Variants in LRP2 observed in about 807,000 individuals in gnomAD.
LRP2 encodes LDL receptor related protein 2.
LRP2 carries 172 observed loss-of-function variants against 531.0 expected under a neutral mutation model. The ratio of observed to expected loss-of-function variants is 0.32; its 90% CI spans 0.29 to 0.37. The LOEUF (loss-of-function observed/expected upper bound fraction) is 0.37, where lower values mean the gene tolerates loss of function less well. LRP2 is among the 10% of genes least tolerant of loss of function. The probability of loss-of-function intolerance (pLI) is 1.00; values close to 1 mark genes in which losing one functional copy is unlikely to be tolerated. For synonymous variants in LRP2, 1,992 were observed against 2,027.6 expected, an observed-to-expected ratio of 0.98 and a Z score of 0.47; for missense variants, 5,167 against 5,868.3, an observed-to-expected ratio of 0.88 and a Z score of 3.90.
chr2:169,216,180 G>T, intron 35 of LRP2, 73 bp downstream of exon 35: 1 of 1,503,280 alleles, frequency 6.7e-7, no homozygotes, highest in Non-Finnish European at 9.2e-7. Context: ...ACCACTGCCT[G>T]ACAGCTCAGA....
chr2:169,212,254 GC>G (rs1553497622), intron 36 of LRP2, 47 bp from the exon 37 acceptor site: 2 of 1,613,068 alleles, frequency 1.2e-6, no homozygotes, highest in African/African-American at 2.7e-5. Context: ...CTAGCTACTC[GC>G]CACCCCATCT....
intron 31 of LRP2, among the ~76,000 whole-genome samples, chr2:169,228,593 T>C (rs1022976684): frequency 2.0e-5 from 3 of 152,200 alleles, no homozygotes; most frequent in Non-Finnish European, 4.4e-5. Flanking sequence ...CCATTATGCA[T>C]GGGCCTTCTT....
intron 1 of LRP2, among the ~76,000 whole-genome samples, chr2:169,362,093 C>A (rs1394346351): frequency 1.3e-5 from 2 of 152,248 alleles, no homozygotes; most frequent in Non-Finnish European, 2.9e-5. Context: ...CCGAAACTGG[C>A]GGGGCTGCTT....
At chr2:169,340,343 A>G (rs1007387478) in intron 1 of LRP2, among the ~76,000 whole-genome samples, 13 of 152,168 alleles carry the variant, frequency 8.5e-5, no homozygotes, top group Non-Finnish European at 1.8e-4. Context: ...TTTGGCCAGG[A>G]GCAGTCATGG....
chr2:169,272,525 A>G (rs1683444079), intron 15 of LRP2, among the ~76,000 whole-genome samples: 1 of 152,158 alleles, frequency 6.6e-6, no homozygotes, highest in Admixed American at 6.5e-5. Flanking sequence ...GGGGAGAAGT[A>G]CAGTACTTCC....
At chr2:169,331,368 C>G in intron 1 of LRP2, among the ~76,000 whole-genome samples, 1 of 152,116 alleles carries the variant, frequency 6.6e-6, no homozygotes, top group East Asian at 1.9e-4. Context: ...AAGTTTTTAC[C>G]AAGAACGCTG....
chr2:169,222,115 T>C (rs1689040258), intron 33 of LRP2, among the ~76,000 whole-genome samples: 1 of 152,210 alleles, frequency 6.6e-6, no homozygotes, highest in Non-Finnish European at 1.5e-5. Context: ...ATTTTCTTAA[T>C]TAATCCAACA....
At chr2:169,146,992 C>T in intron 68 of LRP2, 33 bp from the exon 69 acceptor site, 1 of 1,516,290 alleles carries the variant, frequency 6.6e-7, no homozygotes, top group East Asian at 2.4e-5. Flanking sequence ...TGTAGCATCT[C>T]ACCTGGTAAG....
chr2:169,276,192 A>C (rs1047323272), intron 13 of LRP2, among the ~76,000 whole-genome samples: 1 of 152,190 alleles, frequency 6.6e-6, no homozygotes, highest in Non-Finnish European at 1.5e-5. Context: ...GACATGGTAC[A>C]TTAAGATTAG....
At position 169,182,155 on chromosome 2, in the gene LRP2, G is replaced by A; in HGVS notation, c.9998+12C>T. On this transcript the variant is annotated intron_variant, in intron 51 of 78. Coordinates refer to ENST00000649046, the MANE Select transcript of LRP2 (RefSeq NM_004525.3). ...GGTGAAAGAAAAGCCCAGGATTGCA[G>A]GGAGACAATACCCATATTGAGGGTG... 6.2e-7 allele frequency: 1 copy of A among 1,613,974 alleles called. No homozygotes were observed. Among genetic ancestry groups the A allele is most frequent in the Middle Eastern group, 1.7e-4 (1 of 6,022 alleles).
chr2:169,228,246 G>T (rs1054763570), intron 31 of LRP2, among the ~76,000 whole-genome samples: 1 of 150,268 alleles, frequency 6.7e-6, no homozygotes, highest in African/African-American at 2.5e-5. Flanking sequence ...TGCAAATACC[G>T]CAGGCCAGGT....
rs540447223 is a variant in LRP2 at position 169,276,281 on chromosome 2, T to G, written c.1773-1043A>C. Among the ~76,000 whole-genome samples the G allele has an allele frequency of 2.0e-5, 3 of 152,320 alleles. No homozygotes were observed. In the East Asian group the frequency reaches 5.8e-4, roughly 29 times the overall value. On this transcript the variant is annotated intron_variant, in intron 13 of 78. Transcript: ENST00000649046. ...GGCAAAGCGAGAGGCAATGACTTTA[T>G]GATTTCAGCTGTACTTGTGAGCTTT...
chr2:169,288,797 C>T, intron 9 of LRP2, among the ~76,000 whole-genome samples: 1 of 152,212 alleles, frequency 6.6e-6, no homozygotes, highest in African/African-American at 2.4e-5. Context: ...TTCCAGGTAG[C>T]TAGTCAACTC....
chr2:169,234,509 A>T (rs533382654), intron 29 of LRP2, among the ~76,000 whole-genome samples: 1 of 152,308 alleles, frequency 6.6e-6, no homozygotes, highest in East Asian at 1.9e-4. Context: ...GTAGTCCATG[A>T]TGTATATGTC....
chr2:169,137,293 C>A (rs530035370), intron 76 of LRP2, 99 bp downstream of exon 76: 2 of 913,400 alleles, frequency 2.2e-6, no homozygotes, highest in East Asian at 4.8e-5. Flanking sequence ...ATGCTTCCTT[C>A]CCTTTGGAGG....
intron 63 of LRP2, among the ~76,000 whole-genome samples, chr2:169,161,277 T>A (rs2268376): frequency 2.6e-5 from 4 of 151,772 alleles, no homozygotes; most frequent in African/African-American, 7.3e-5. Context: ...AGCAACTCAA[T>A]GGGGCTAACT....
intron 16 of LRP2, among the ~76,000 whole-genome samples, chr2:169,267,736 G>C (rs1328183718): frequency 6.6e-6 from 1 of 151,984 alleles, no homozygotes; most frequent in East Asian, 1.9e-4. Flanking sequence ...GCTAACGGAA[G>C]GCAAGAAATA....
intron 19 of LRP2, among the ~76,000 whole-genome samples, chr2:169,251,266 A>G (rs1471885811): frequency 6.7e-5 from 1 of 14,976 alleles, no homozygotes; most frequent in African/African-American, 5.1e-4. Flanking sequence ...CAAATGTAAA[A>G]GAACAGAAAT....
intron 62 of LRP2, among the ~76,000 whole-genome samples, chr2:169,164,586 C>T (rs907649769): frequency 6.6e-6 from 1 of 152,194 alleles, no homozygotes; most frequent in Non-Finnish European, 1.5e-5. Flanking sequence ...TGTGTGCCTC[C>T]ACCATGTTGA....
Sources: allele counts gnomAD v4.1 joint callset (sites outside exome capture counted in the v4.1 genomes callset), GRCh38; gene constraint gnomAD v4.1.1; transcripts MANE v1.5; gene names NCBI Gene and HGNC (gene_info 2026-07-23, HGNC 2026-07-21).